CDH22: variants seen among roughly 807,000 people sequenced by gnomAD.
The protein encoded by CDH22 is cadherin 22.
A neutral mutation model predicts 58.4 loss-of-function variants in CDH22; 30 were observed. The ratio of observed to expected loss-of-function variants is 0.51; its 90% CI spans 0.38 to 0.70. The LOEUF (loss-of-function observed/expected upper bound fraction) is 0.70. Ranked by LOEUF, CDH22 falls within the 30% of genes least tolerant of loss-of-function variation. The pLI is 0.00. For missense variants in CDH22, 1,014 were observed against 1,233.9 expected, an observed-to-expected ratio of 0.82 and a Z score of 2.67; for synonymous variants, 513 against 558.2, an observed-to-expected ratio of 0.92 and a Z score of 1.14.
intron 10 of CDH22, among the ~76,000 whole-genome samples, chr20:46,182,587 TC>T (rs1449341823): frequency 1.3e-5 from 2 of 152,132 alleles, no homozygotes; most frequent in Non-Finnish European, 2.9e-5. Context: ...TGAAGGGGAA[TC>T]CCCAGGCATC....
chr20:46,281,247 C>A (rs1005720324), intron 1 of CDH22, among the ~76,000 whole-genome samples: 7 of 152,262 alleles, frequency 4.6e-5, no homozygotes, highest in African/African-American at 1.7e-4. Flanking sequence ...TGCCTGGAGG[C>A]AGGGAGGCCT....
chr20:46,258,694 A>C (rs2086417857), intron 1 of CDH22, among the ~76,000 whole-genome samples: 1 of 152,214 alleles, frequency 6.6e-6, no homozygotes. Context: ...CCAGCTCCCC[A>C]GCAGCCTCGG....
chr20:46,176,820 G>A (rs556707869), intron 11 of CDH22, among the ~76,000 whole-genome samples: 9 of 152,382 alleles, frequency 5.9e-5, no homozygotes, highest in Non-Finnish European at 8.8e-5. Context: ...GGGGATGCCC[G>A]CGGGAGCAGA....
At chr20:46,247,964 G>T (rs1361830256) in intron 2 of CDH22, among the ~76,000 whole-genome samples, 1 of 152,218 alleles carries the variant, frequency 6.6e-6, no homozygotes, top group African/African-American at 2.4e-5. Flanking sequence ...GTTGCTGGGG[G>T]AAACAGAAAG....
chr20:46,261,210 G>C (rs2086431616), intron 1 of CDH22, among the ~76,000 whole-genome samples: 1 of 152,188 alleles, frequency 6.6e-6, no homozygotes, highest in Admixed American at 6.5e-5. Flanking sequence ...GCATGTGAAG[G>C]AATCTGTGGT....
At position 46,174,953 on chromosome 20, in the gene CDH22, G is replaced by A; in HGVS notation, c.2040C>T (p.Thr680=). 1.2e-6 allele frequency: 2 copies of A among 1,600,962 alleles called. No homozygotes were observed. Among genetic ancestry groups the A allele is most frequent in the Non-Finnish European group, 1.7e-6 (2 of 1,179,102 alleles). Residue 680 remains threonine, a synonymous_variant, in exon 12 of 12, where the codon ACC becomes ACT. Coordinates refer to ENST00000537909, the MANE Select transcript of CDH22 (RefSeq NM_021248.3). This position sits in a 1 kb window ranked among gnomAD's most constrained non-coding sequence, Gnocchi z 4.4. ...GCAGCGCCGACATGTCGTAGGCTTC[G>A]GTGTCCTGCTCGCCGCCGCCTTCGT... ...YNDEGGGEQD[T]EAYDMSALRS...
intron 1 of CDH22, among the ~76,000 whole-genome samples, chr20:46,264,655 G>C (rs1176507018): frequency 6.6e-6 from 1 of 152,144 alleles, no homozygotes; most frequent in Non-Finnish European, 1.5e-5. Context: ...AATGAGGATG[G>C]GCCGGGAGGT....
intron 1 of CDH22, among the ~76,000 whole-genome samples, chr20:46,269,891 T>C (rs565311744): frequency 1.3e-5 from 2 of 152,326 alleles, no homozygotes; most frequent in African/African-American, 2.4e-5. Context: ...CCTGGACCTC[T>C]GGAGGCAGGG....
intron 3 of CDH22, among the ~76,000 whole-genome samples, chr20:46,228,430 T>C (rs2086196292): frequency 6.6e-6 from 1 of 152,152 alleles, no homozygotes; most frequent in African/African-American, 2.4e-5. Context: ...AATTAAGTTA[T>C]TGATTTTTGA....
In CDH22 at chr20:46,300,504, G is replaced by A. The variant is rs575900813; in HGVS notation, c.-400+7751C>T. 1.3e-4 allele frequency among the ~76,000 whole-genome samples: 20 copies of A among 152,198 alleles called. No individual in the cohort carries two copies. Among genetic ancestry groups the A allele is most frequent in the East Asian group, 3.9e-4 (2 of 5,180 alleles). On this transcript the variant is annotated intron_variant, in intron 1 of 11. Coordinates refer to ENST00000537909, the MANE Select transcript of CDH22 (RefSeq NM_021248.3). This position sits in a 1 kb window ranked among gnomAD's most constrained non-coding sequence, Gnocchi z 4.4. ...CACACAAGCGCGCGTGTGCGTGCGC[G>A]TGCACACACACATACACACACACTC...
At chr20:46,303,249 G>A (rs1308531782) in intron 1 of CDH22, among the ~76,000 whole-genome samples, 1 of 151,942 alleles carries the variant, frequency 6.6e-6, no homozygotes, top group Non-Finnish European at 1.5e-5. Flanking sequence ...CCTCCCCTTG[G>A]GGCCTTGGTA....
At chr20:46,294,947 C>T (rs886162115) in intron 1 of CDH22, among the ~76,000 whole-genome samples, 4 of 152,224 alleles carry the variant, frequency 2.6e-5, no homozygotes, top group African/African-American at 4.8e-5. Context: ...CTGCCTGTGG[C>T]TGAGGAGGGG....
chr20:46,226,593 A>G (rs996517934), intron 4 of CDH22, among the ~76,000 whole-genome samples: 5 of 151,912 alleles, frequency 3.3e-5, no homozygotes, highest in Non-Finnish European at 7.4e-5. Flanking sequence ...ACACTTTCTT[A>G]TCCTTTGTAG....
intron 2 of CDH22, among the ~76,000 whole-genome samples, chr20:46,242,286 C>A (rs2086295973): frequency 1.3e-5 from 2 of 152,192 alleles, no homozygotes; most frequent in Non-Finnish European, 2.9e-5. Flanking sequence ...AAGAGCTGGT[C>A]TGACTCCACA....
chr20:46,205,033 G>A (rs2425775), intron 7 of CDH22, among the ~76,000 whole-genome samples: 5 of 151,534 alleles, frequency 3.3e-5, no homozygotes, highest in Admixed American at 2.6e-4. Context: ...GGTGTAGTTC[G>A]GGAGCCTCTT....
At chr20:46,201,651 G>A (rs1023602986) in intron 7 of CDH22, among the ~76,000 whole-genome samples, 1 of 152,174 alleles carries the variant, frequency 6.6e-6, no homozygotes, top group African/African-American at 2.4e-5. Context: ...TACTGTCCTG[G>A]AGGTGAATGC....
rs573607088 is a variant in CDH22 at position 46,288,399 on chromosome 20, G to T, written c.-400+19856C>A. On this transcript the variant is annotated intron_variant, in intron 1 of 11. Transcript: ENST00000537909. ...AAGTTTTCGAAGGCCCCAGAGGGTA[G>T]TCCCTGGGCCACTCCTCCTCAGATG... Among the ~76,000 whole-genome samples the T allele has an allele frequency of 6.6e-5, 10 of 152,234 alleles. No homozygotes were observed. In the East Asian group the frequency reaches 1.9e-3, roughly 29 times the overall value.
At chr20:46,292,626 C>T (rs1177368638) in intron 1 of CDH22, among the ~76,000 whole-genome samples, 2 of 152,146 alleles carry the variant, frequency 1.3e-5, no homozygotes, top group African/African-American at 4.8e-5. Context: ...CAAGTCACTG[C>T]CCCTCTCCAG....
intron 8 of CDH22, among the ~76,000 whole-genome samples, chr20:46,196,715 C>T (rs1229763155): frequency 6.6e-6 from 1 of 152,114 alleles, no homozygotes; most frequent in Non-Finnish European, 1.5e-5. Flanking sequence ...GTTCCTCATC[C>T]CCACAGTGAA....
Sources: allele counts gnomAD v4.1 joint callset (sites outside exome capture counted in the v4.1 genomes callset), GRCh38; gene constraint gnomAD v4.1.1; non-coding constraint Gnocchi (gnomAD v3.1); transcripts MANE v1.5; gene names NCBI Gene and HGNC (gene_info 2026-07-23, HGNC 2026-07-21).